PLXNA4: variants seen among roughly 807,000 people sequenced by gnomAD.
PLXNA4 encodes plexin A4.
PLXNA4 carries 44 observed loss-of-function variants against 191.8 expected under a neutral mutation model. The observed-to-expected ratio is 0.23, with a 90% CI of 0.18 to 0.29. The LOEUF (loss-of-function observed/expected upper bound fraction) is 0.29. Ranked by LOEUF, PLXNA4 falls within the 10% of genes least tolerant of loss-of-function variation. PLXNA4 has a pLI of 1.00. For synonymous variants in PLXNA4, 1,082 were observed against 1,009.5 expected (o/e 1.07, Z -1.36); for missense variants, 1,800 against 2,488.8 (o/e 0.72, Z 5.89).
At chr7:132,277,895 A>G (rs1800337507) in intron 4 of PLXNA4, among the ~76,000 whole-genome samples, 1 of 152,162 alleles carries the variant, frequency 6.6e-6, no homozygotes, top group African/African-American at 2.4e-5. Context: ...CACACATGTA[A>G]ATGAATGGGT....
intron 10 of PLXNA4, among the ~76,000 whole-genome samples, chr7:132,210,029 G>A (rs1247151491): frequency 1.3e-5 from 2 of 152,220 alleles, no homozygotes; most frequent in Non-Finnish European, 2.9e-5. Flanking sequence ...TGGTCTTAAA[G>A]AAGGTCTCCA....
chr7:132,561,738 TCCTCCTTC>T (rs1801108172), intron 1 of PLXNA4, among the ~76,000 whole-genome samples: 1 of 137,296 alleles, frequency 7.3e-6, no homozygotes, highest in Non-Finnish European at 1.6e-5. Flanking sequence ...TTCCTCCTCC[TCCTCCTTC>T]TTCTCCTCCT....
At chr7:132,425,815 G>A (rs965862205) in intron 3 of PLXNA4, among the ~76,000 whole-genome samples, 5 of 152,230 alleles carry the variant, frequency 3.3e-5, no homozygotes, top group Non-Finnish European at 5.9e-5. Context: ...ACTCTCCATC[G>A]AGGTGGGGGC....
At chr7:132,533,747 C>T (rs1799719460) in intron 1 of PLXNA4, among the ~76,000 whole-genome samples, 1 of 152,104 alleles carries the variant, frequency 6.6e-6, no homozygotes, top group Admixed American at 6.5e-5. Context: ...CTGCCAGCAC[C>T]CAGCCCTTCC....
At chr7:132,620,440 T>C (rs971067651) in intron 2 of PLXNA4, among the ~76,000 whole-genome samples, 1 of 152,362 alleles carries the variant, frequency 6.6e-6, no homozygotes, top group Non-Finnish European at 1.5e-5. Flanking sequence ...ATCTTTACTC[T>C]TATTAATTTG....
chr7:132,548,111 C>A (rs940292085), intron 1 of PLXNA4, among the ~76,000 whole-genome samples: 11 of 152,238 alleles, frequency 7.2e-5, no homozygotes, highest in Admixed American at 1.3e-4. Context: ...AGAGACAAAG[C>A]CTGGCTTTGG....
intron 1 of PLXNA4, among the ~76,000 whole-genome samples, chr7:132,540,913 A>G (rs1268879962): frequency 1.3e-5 from 2 of 151,724 alleles, no homozygotes; most frequent in African/African-American, 4.8e-5. Flanking sequence ...ACTTTGTGCT[A>G]TTTATTATTT....
chr7:132,626,381 T>C (rs1302698525), intron 2 of PLXNA4, among the ~76,000 whole-genome samples: 1 of 152,206 alleles, frequency 6.6e-6, no homozygotes, highest in African/African-American at 2.4e-5. Context: ...AGTTTGGATA[T>C]ATGTCGCTGC....
intron 2 of PLXNA4, among the ~76,000 whole-genome samples, chr7:132,490,733 C>T (rs1797763773): frequency 6.6e-6 from 1 of 152,130 alleles, no homozygotes; most frequent in Admixed American, 6.5e-5. Flanking sequence ...GCTGCTAAAC[C>T]ATTTTGACTG....
chr7:132,555,046 A>AAAAAAAAAAACAAAC (rs1279240344), intron 1 of PLXNA4, among the ~76,000 whole-genome samples: 4 of 69,880 alleles, frequency 5.7e-5, no homozygotes, highest in Admixed American at 1.6e-4. Flanking sequence ...AACCTGAAGG[A>AAAAAAAAAAACAAAC]AAAAAAAAAA....
intron 3 of PLXNA4, among the ~76,000 whole-genome samples, chr7:132,401,521 T>C (rs538432509): frequency 3.9e-5 from 6 of 152,300 alleles, no homozygotes; most frequent in African/African-American, 1.4e-4. Flanking sequence ...TCATGAATAC[T>C]TGTGGAGCAA....
chr7:132,619,453 G>A (rs1803218360), intron 2 of PLXNA4, among the ~76,000 whole-genome samples: 1 of 152,188 alleles, frequency 6.6e-6, no homozygotes, highest in African/African-American at 2.4e-5. Context: ...CAGCTTTATT[G>A]CTGTTGTCAT....
chr7:132,227,405 G>T, intron 7 of PLXNA4, 46 bp downstream of exon 7: 1 of 1,611,910 alleles, frequency 6.2e-7, no homozygotes, highest in Non-Finnish European at 8.5e-7. Flanking sequence ...TCCTTATCTA[G>T]CCAGGAGGAA....
chr7:132,346,572 A>G (rs1456727228), intron 3 of PLXNA4, among the ~76,000 whole-genome samples: 1 of 152,206 alleles, frequency 6.6e-6, no homozygotes, highest in African/African-American at 2.4e-5. Context: ...TGTTTTCCCT[A>G]CTAGATTTAA....
intron 3 of PLXNA4, among the ~76,000 whole-genome samples, chr7:132,478,262 T>C (rs1243945768): frequency 1.3e-5 from 2 of 152,214 alleles, no homozygotes; most frequent in African/African-American, 4.8e-5. Flanking sequence ...CTGGTGTGTC[T>C]GGGAAAAGAC....
intron 2 of PLXNA4, among the ~76,000 whole-genome samples, chr7:132,609,874 G>A (rs950020047): frequency 6.6e-6 from 1 of 152,200 alleles, no homozygotes; most frequent in East Asian, 1.9e-4. Flanking sequence ...CACTCCATGA[G>A]CACTGGCTTT....
Position 132,606,826 on chromosome 7 carries a change from G to A in PLXNA4, c.-87+39102C>T, listed in dbSNP as rs114765566. On this transcript the variant is annotated intron_variant, in intron 2 of 4. Transcript: ENST00000378539. Reference sequence around the variant, plus strand: ...AATTTCATTCATCAGAAAGCAGCTCGAGCTCTCATATATTTAGAATTCTCT... The same window carrying A: ...AATTTCATTCATCAGAAAGCAGCTCAAGCTCTCATATATTTAGAATTCTCT... Among the ~76,000 whole-genome samples, 550 of 152,238 alleles carry A rather than the reference G, an allele frequency of 3.6e-3. 4 individuals are homozygous for A. The highest frequency in any genetic ancestry group is 0.013 in the African/African-American group (525 of 41,552).
chr7:132,251,265 G>A (rs1173268636), intron 4 of PLXNA4, among the ~76,000 whole-genome samples: 2 of 152,134 alleles, frequency 1.3e-5, no homozygotes, highest in Admixed American at 6.5e-5. Context: ...TTAAAATTTG[G>A]AGAAAAGTAT....
intron 3 of PLXNA4, among the ~76,000 whole-genome samples, chr7:132,357,145 G>A (rs1585030774): frequency 6.6e-6 from 1 of 152,184 alleles, no homozygotes; most frequent in Non-Finnish European, 1.5e-5. Context: ...CATGTGGCTA[G>A]AGACACCATC....
Sources: allele counts gnomAD v4.1 joint callset (sites outside exome capture counted in the v4.1 genomes callset), GRCh38; gene constraint gnomAD v4.1.1; transcripts MANE v1.5; gene names NCBI Gene and HGNC (gene_info 2026-07-23, HGNC 2026-07-21).